Variants in SNTG1 observed in about 807,000 individuals in gnomAD.
SNTG1 encodes gamma-1-syntrophin.
In SNTG1, 39 loss-of-function variants were observed where a neutral mutation model predicts 74.7. The observed-to-expected ratio is 0.52, with a 90% CI of 0.40 to 0.68. SNTG1 has a LOEUF of 0.68. Among genes scored for constraint, SNTG1 ranks in the 30% least tolerant of loss-of-function variants. SNTG1 has a pLI of 0.00. For missense variants in SNTG1, 685 were observed against 609.5 expected (o/e 1.12, Z -1.30); for synonymous variants, 254 against 217.1 (o/e 1.17, Z -1.49).
intron 2 of SNTG1, among the ~76,000 whole-genome samples, chr8:50,182,251 A>G (rs1375051138): frequency 6.6e-6 from 1 of 152,172 alleles, no homozygotes; most frequent in Non-Finnish European, 1.5e-5. Flanking sequence ...TAAAAATGAG[A>G]ATGCACCATT....
chr8:50,426,372 A>G (rs892243037), intron 4 of SNTG1, among the ~76,000 whole-genome samples: 3 of 152,138 alleles, frequency 2.0e-5, no homozygotes, highest in African/African-American at 4.8e-5. Flanking sequence ...ATTTCTAGTT[A>G]CATCTTAATG....
chr8:50,521,550 A>C (rs1212675856), intron 9 of SNTG1, among the ~76,000 whole-genome samples: 3 of 152,130 alleles, frequency 2.0e-5, no homozygotes, highest in African/African-American at 7.2e-5. Context: ...AATGGCTATG[A>C]CAATTCCTTG....
In SNTG1 at chr8:50,569,204, G is replaced by A. The variant is rs116668030; in HGVS notation, c.810+16025G>A. On this transcript the variant is annotated intron_variant, in intron 12 of 18. Coordinates refer to ENST00000642720, the MANE Select transcript of SNTG1 (RefSeq NM_018967.5). ...TAGCTTCTGGATCAGTCAGTCAGTA[G>A]TATTTACCACATTGCTTAATACGGA... is the stretch of plus-strand genomic sequence containing the variant. Among the ~76,000 whole-genome samples, 319 of 152,270 alleles carry A rather than the reference G, an allele frequency of 2.1e-3. 6 individuals carry two copies. Among genetic ancestry groups the A allele is most frequent in the African/African-American group, 5.1e-3 (214 of 41,554 alleles).
At chr8:50,123,418 C>A (rs1192680191) in intron 1 of SNTG1, among the ~76,000 whole-genome samples, 1 of 142,216 alleles carries the variant, frequency 7.0e-6, no homozygotes, top group East Asian at 2.0e-4. Context: ...ACCAGTTGCA[C>A]AAGAGCAAGC....
intron 2 of SNTG1, among the ~76,000 whole-genome samples, chr8:50,326,101 T>A (rs2090736741): frequency 6.6e-6 from 1 of 152,072 alleles, no homozygotes; most frequent in African/African-American, 2.4e-5. Context: ...TGTATAGTTG[T>A]ATACACTGTT....
At chr8:50,084,412 G>C (rs1025809713) in intron 1 of SNTG1, among the ~76,000 whole-genome samples, 4 of 151,940 alleles carry the variant, frequency 2.6e-5, no homozygotes, top group African/African-American at 7.3e-5. Flanking sequence ...GTGAGCCTAG[G>C]TCACACCACT....
At chr8:50,753,816 A>T (rs1563808972) in intron 18 of SNTG1, among the ~76,000 whole-genome samples, 1 of 151,960 alleles carries the variant, frequency 6.6e-6, no homozygotes, top group Non-Finnish European at 1.5e-5. Context: ...TCTTAAAAAT[A>T]ATGAGACTGT....
intron 1 of SNTG1, among the ~76,000 whole-genome samples, chr8:50,138,097 C>A (rs1020355357): frequency 6.6e-6 from 1 of 151,974 alleles, no homozygotes; most frequent in African/African-American, 2.4e-5. Context: ...GTTTTTTTTA[C>A]AGATGCTGGT....
intron 2 of SNTG1, among the ~76,000 whole-genome samples, chr8:50,275,990 G>T (rs1374571645): frequency 6.6e-6 from 1 of 152,150 alleles, no homozygotes; most frequent in African/African-American, 2.4e-5. Context: ...AATATTTAAT[G>T]TGTTTATTTG....
Position 50,394,223 on chromosome 8 carries a change from T to C in SNTG1, c.-16T>C. 6 of 1,612,850 alleles carry C rather than the reference T, an allele frequency of 3.7e-6. No homozygotes were observed. Among genetic ancestry groups the C allele is most frequent in the Non-Finnish European group, 5.1e-6 (6 of 1,179,252 alleles). On this transcript the variant is annotated 5_prime_UTR_variant, in exon 3 of 19. Transcript: ENST00000642720. ...CTGTGTCTTTTCAGACGACATCCTT[T>C]GTGGTGCCACAGCACATGGATTTCA...
At chr8:50,237,268 TC>T (rs1166420581) in intron 2 of SNTG1, among the ~76,000 whole-genome samples, 2 of 152,172 alleles carry the variant, frequency 1.3e-5, no homozygotes, top group Non-Finnish European at 2.9e-5. Context: ...CTCTCTACTG[TC>T]TATATATTTC....
At chr8:50,038,984 T>A (rs778331515) in intron 1 of SNTG1, among the ~76,000 whole-genome samples, 10 of 152,182 alleles carry the variant, frequency 6.6e-5, no homozygotes, top group Non-Finnish European at 1.3e-4. Context: ...GCAGGAGCCC[T>A]TTGGGGAACT....
At position 50,663,336 on chromosome 8, in the gene SNTG1, G is replaced by A. The variant is rs372705967; in HGVS notation, c.1038+4673G>A. The stretch of plus-strand genomic sequence containing the variant: ...AAGGACAGCCACTAAAGCATGTCAA[G>A]CATAGGGAGGGACTGAGGTTGCCCA... On this transcript the variant is annotated intron_variant, in intron 15 of 18. Coordinates refer to ENST00000642720, the MANE Select transcript of SNTG1 (RefSeq NM_018967.5). 7.9e-5 allele frequency among the ~76,000 whole-genome samples: 12 copies of A among 152,150 alleles called. No homozygotes were observed. In the South Asian group the frequency reaches 1.0e-3, roughly 13 times the overall value.
chr8:50,468,432 C>A (rs925373557), intron 8 of SNTG1, among the ~76,000 whole-genome samples: 2 of 152,024 alleles, frequency 1.3e-5, no homozygotes, highest in Non-Finnish European at 2.9e-5. Flanking sequence ...GCTCTAAGTC[C>A]TCTTTGTCTG....
rs117795446 is a variant in SNTG1, at chr8:49,932,218, C to T, written c.-103+19987C>T. ...TTTTCTGTTTTAGTTCCTATTACAG[C>T]TTCTAAAACATAGTAAGTGCTCAAA... On this transcript the variant is annotated intron_variant, in intron 1 of 18. Transcript: ENST00000642720. Among the ~76,000 whole-genome samples the T allele has an allele frequency of 7.0e-3, 1,070 of 152,244 alleles. 7 individuals are homozygous for T. Among genetic ancestry groups the T allele is most frequent in the Non-Finnish European group, 0.01 (693 of 68,014 alleles).
At chr8:50,294,911 C>A (rs1160938960) in intron 2 of SNTG1, among the ~76,000 whole-genome samples, 2 of 152,128 alleles carry the variant, frequency 1.3e-5, no homozygotes, top group Non-Finnish European at 2.9e-5. Flanking sequence ...CTGCCAATGG[C>A]TCACCAGAGC....
chr8:50,446,352 C>T (rs1196790966), intron 5 of SNTG1, among the ~76,000 whole-genome samples: 1 of 144,718 alleles, frequency 6.9e-6, no homozygotes, highest in Non-Finnish European at 1.5e-5. Flanking sequence ...AAAAGTACAT[C>T]AGAGCTCCAA....
intron 13 of SNTG1, among the ~76,000 whole-genome samples, chr8:50,593,353 A>C (rs1423835551): frequency 6.6e-6 from 1 of 152,168 alleles, no homozygotes. Flanking sequence ...AGTTGGGCCC[A>C]AAATTATAAA....
chr8:50,299,747 A>C (rs1414205443), intron 2 of SNTG1, among the ~76,000 whole-genome samples: 1 of 151,998 alleles, frequency 6.6e-6, no homozygotes, highest in Non-Finnish European at 1.5e-5. Flanking sequence ...TTTTATTGGG[A>C]TCTCCGTTAG....
Sources: allele counts gnomAD v4.1 joint callset (sites outside exome capture counted in the v4.1 genomes callset), GRCh38; gene constraint gnomAD v4.1.1; transcripts MANE v1.5; gene names NCBI Gene and HGNC (gene_info 2026-07-23, HGNC 2026-07-21).